The following MYOC variants were observed in gnomAD, a reference collection of about 807,000 sequenced individuals.
MYOC encodes the protein myocilin.
Under a neutral mutation model 28.2 loss-of-function variants are expected in MYOC, and 29 were observed. That is an observed-to-expected ratio of 1.03 (90% CI 0.77 to 1.40). MYOC has a LOEUF of 1.40. MYOC is among the 40% of genes most tolerant of loss of function. The pLI is 0.00. For missense variants in MYOC, 569 were observed against 620.6 expected (o/e 0.92, Z 0.88); for synonymous variants, 240 against 245.6 (o/e 0.98, Z 0.21).
chr1:171,637,100 A>G (rs1317395039), intron 2 of MYOC, among the ~76,000 whole-genome samples: 1 of 152,180 alleles, frequency 6.6e-6, no homozygotes, highest in Non-Finnish European at 1.5e-5. Context: ...GAGCTATAAA[A>G]TATTTAAAGT....
chr1:171,640,444 T>C (rs1341468516), intron 1 of MYOC, among the ~76,000 whole-genome samples: 1 of 151,688 alleles, frequency 6.6e-6, no homozygotes, highest in African/African-American at 2.4e-5. Flanking sequence ...TATTTTAAAA[T>C]GCAGTTTGGC....
At chr1:171,643,483 C>T (rs962941576) in intron 1 of MYOC, 2 of 152,312 alleles carry the variant, frequency 1.3e-5, no homozygotes, top group Admixed American at 6.5e-5. Context: ...CGCTCCCTGG[C>T]CCTGCCAGCC....
chr1:171,638,679 C>T lies in MYOC; in HGVS notation c.648G>A (p.Lys216=), dbSNP rs141584495. The change falls in exon 2 of 3, where the codon AAG becomes AAA. Residue 216 remains lysine (K), a synonymous_variant. Transcript: ENST00000037502. ...AAGCAGGAACTTCAGTTAGCTCGGA[C>T]TTCAGTTCCTGGAAGGCCAAAGTGT... ...NLDTLAFQEL[K]SELTEVPASR... 7.1e-4 allele frequency: 1,143 copies of T among 1,614,182 alleles called. No homozygotes were observed. Among genetic ancestry groups the T allele is most frequent in the South Asian group, 1.2e-3 (105 of 91,084 alleles).
Position 171,635,975 on chromosome 1 carries a change from A to G in MYOC, c.1465T>C (p.Trp489Arg). 2 of 1,614,212 alleles carry G rather than the reference A, an allele frequency of 1.2e-6. No homozygotes were observed. The highest frequency in any genetic ancestry group is 1.7e-6 in the Non-Finnish European group (2 of 1,180,036). Residue 489 changes from tryptophan to arginine, a missense_variant, in exon 3 of 3, where the codon TGG (tryptophan) becomes CGG (arginine). Coordinates refer to ENST00000037502, the MANE Select transcript of MYOC (RefSeq NM_000261.2). ...TAAGTGACCATGTTCAAGTTGTCCC[A>G]GGCAAAGAGCTTCTTCTCCAGGGGG... ...YNPLEKKLFA[W>R]DNLNMVTYDI...
At position 171,642,476 on chromosome 1, in the gene MYOC, G is replaced by C. The variant is rs143510146; in HGVS notation, c.605-3754C>G. Among the ~76,000 whole-genome samples the C allele has an allele frequency of 5.5e-4, 83 of 152,174 alleles. No homozygotes were observed. The East Asian group carries it at 0.015, about 28-fold the overall frequency. ...AAAAATTAAAGAGTTAGCTGGGTGT[G>C]GTGGTGCAGTCTGTGGTCTCAGCTA... On this transcript the variant is annotated intron_variant, in intron 1 of 2. Coordinates refer to ENST00000037502, the MANE Select transcript of MYOC (RefSeq NM_000261.2).
At chr1:171,649,579 T>C (rs1653306647) in intron 1 of MYOC, among the ~76,000 whole-genome samples, 1 of 152,206 alleles carries the variant, frequency 6.6e-6, no homozygotes, top group African/African-American at 2.4e-5. Context: ...GCAGATCACC[T>C]GAGGTCAGGA....
chr1:171,645,051 C>G (rs1439827337), intron 1 of MYOC, among the ~76,000 whole-genome samples: 1 of 152,130 alleles, frequency 6.6e-6, no homozygotes, highest in Non-Finnish European at 1.5e-5. Context: ...TGTATGCTGT[C>G]TGAAGAACAA....
In MYOC at chr1:171,652,312, G is replaced by A. The variant is rs1653375677; in HGVS notation, c.300C>T (p.His100=). The A allele has an allele frequency of 6.2e-7, 1 of 1,610,718 alleles. No homozygotes were observed. Among genetic ancestry groups the A allele is most frequent in the Admixed American group, 1.7e-5 (1 of 59,708 alleles). The change falls in exon 1 of 3, where the codon CAC becomes CAT. Residue 100 remains histidine, a synonymous_variant. Coordinates refer to ENST00000037502, the MANE Select transcript of MYOC (RefSeq NM_000261.2). Reference sequence around the variant, plus strand: ...TGGCAGCCTGGTCCAAGGTCAATTGGTGGAGGAGGCTCTCCAGGGAGCTGA... The same window carrying A: ...TGGCAGCCTGGTCCAAGGTCAATTGATGGAGGAGGCTCTCCAGGGAGCTGA... ...ARLSSLESLL[H]QLTLDQAARP...
intron 1 of MYOC, among the ~76,000 whole-genome samples, chr1:171,646,021 G>A (rs573814958): frequency 1.3e-5 from 2 of 152,356 alleles, no homozygotes; most frequent in East Asian, 1.9e-4. Flanking sequence ...TGGCAGGGGC[G>A]ATGGTTAAGT....
intron 1 of MYOC, among the ~76,000 whole-genome samples, chr1:171,650,809 C>T (rs1653334585): frequency 6.6e-6 from 1 of 151,982 alleles, no homozygotes; most frequent in Non-Finnish European, 1.5e-5. Context: ...AGTTGTTTTA[C>T]CTTTCTTTCT....
chr1:171,639,999 C>T (rs1170755015), intron 1 of MYOC, among the ~76,000 whole-genome samples: 1 of 142,216 alleles, frequency 7.0e-6, no homozygotes, highest in East Asian at 2.1e-4. Flanking sequence ...TCTGTAATCC[C>T]AGCACTTTGG....
At chr1:171,637,549 A>G (rs1234971502) in intron 2 of MYOC, among the ~76,000 whole-genome samples, 4 of 151,972 alleles carry the variant, frequency 2.6e-5, no homozygotes, top group African/African-American at 4.8e-5. Context: ...TTTAGAAAAT[A>G]ATTTTTTAAA....
Position 171,651,020 on chromosome 1 carries a change from A to T in MYOC, c.604+988T>A, listed in dbSNP as rs370442004. ...AATGAGCAGTCAAATTGCCTCAGTT[A>T]TCCCAAACCTGTTCCTCATAGCCTT... On this transcript the variant is annotated intron_variant, in intron 1 of 2. Coordinates refer to ENST00000037502, the MANE Select transcript of MYOC (RefSeq NM_000261.2). Among the ~76,000 whole-genome samples, 227 of 152,300 alleles carry T rather than the reference A, an allele frequency of 1.5e-3. 1 individual carries two copies. The highest frequency in any genetic ancestry group is 4.3e-3 in the African/African-American group (178 of 41,558).
rs568355194 is a variant in MYOC at position 171,638,275 on chromosome 1, T to C, written c.730+322A>G. On this transcript the variant is annotated intron_variant, in intron 2 of 2. Coordinates refer to ENST00000037502, the MANE Select transcript of MYOC (RefSeq NM_000261.2). ...CTACTGAAAAATGTAACTTCTCAAGTATATCTAATTCTACATGACAATCAA... is the reference window on the plus strand; with the variant it reads ...CTACTGAAAAATGTAACTTCTCAAGCATATCTAATTCTACATGACAATCAA... 2.0e-5 allele frequency among the ~76,000 whole-genome samples: 3 copies of C among 152,288 alleles called. No individual in the cohort carries two copies. In the South Asian group the frequency reaches 6.2e-4, roughly 32 times the overall value.
At position 171,636,447 on chromosome 1, in the gene MYOC, C is replaced by G; in HGVS notation, c.993G>C (p.Ser331=). Reference sequence around the variant, plus strand: ...CAGCGCCCTGGAAATAGAGGCTCCCCGAGTACACCACAGCACCCGTGCTTT... The same window carrying G: ...CAGCGCCCTGGAAATAGAGGCTCCCGGAGTACACCACAGCACCCGTGCTTT... ...PLESTGAVVY[S]GSLYFQGAES... Residue 331 remains serine (S), a synonymous_variant, in exon 3 of 3, where the codon TCG becomes TCC. Transcript: ENST00000037502. 6.2e-7 allele frequency: 1 copy of G among 1,614,108 alleles called. No individual in the cohort carries two copies. Among genetic ancestry groups the G allele is most frequent in the East Asian group, 2.2e-5 (1 of 44,876 alleles).
At chr1:171,638,559 C>T (rs758650697) in intron 2 of MYOC, 38 bp downstream of exon 2, 7 of 1,611,972 alleles carry the variant, frequency 4.3e-6, no homozygotes, top group Non-Finnish European at 5.9e-6. Context: ...TGAATAAAGA[C>T]CACGTGGGCA....
At chr1:171,648,782 G>C (rs543225762) in intron 1 of MYOC, among the ~76,000 whole-genome samples, 37 of 150,108 alleles carry the variant, frequency 2.5e-4, no homozygotes, top group Middle Eastern at 3.5e-3. Context: ...CTGCCTCCCA[G>C]GTTCAAGCGA....
At chr1:171,643,114 T>C (rs1305040594) in intron 1 of MYOC, among the ~76,000 whole-genome samples, 3 of 152,152 alleles carry the variant, frequency 2.0e-5, no homozygotes, top group Admixed American at 1.3e-4. Context: ...ACCCCTTTGT[T>C]CTTCATTCTA....
chr1:171,636,346 T>C lies in MYOC; in HGVS notation c.1094A>G (p.Tyr365Cys). The change falls in exon 3 of 3, where the codon TAC becomes TGC. Residue 365 changes from tyrosine to cysteine, a missense_variant. Coordinates refer to ENST00000037502, the MANE Select transcript of MYOC (RefSeq NM_000261.2). ...CCAAGAATACGGGAACTGTCCGTGG[T>C]AGCCAGCTCCAGGGATTTCCTTCTC... is the stretch of plus-strand genomic sequence containing the variant. Reference protein sequence around the residue: ...KAEKEIPGAGYHGQFPYSWGG... With the variant: ...KAEKEIPGAGCHGQFPYSWGG... The C allele has an allele frequency of 6.2e-7, 1 of 1,614,010 alleles. No homozygotes were observed. Among genetic ancestry groups the C allele is most frequent in the Non-Finnish European group, 8.5e-7 (1 of 1,179,998 alleles).
Sources: allele counts gnomAD v4.1 joint callset (sites outside exome capture counted in the v4.1 genomes callset), GRCh38; gene constraint gnomAD v4.1.1; transcripts MANE v1.5; gene names NCBI Gene and HGNC (gene_info 2026-07-23, HGNC 2026-07-21).